Variants in ASIC2 observed in about 807,000 individuals in gnomAD.
ASIC2 encodes the protein acid sensing ion channel subunit 2, also known as acid-sensing ion channel 2.
A neutral mutation model predicts 57.3 loss-of-function variants in ASIC2; 25 were observed. That is an observed-to-expected ratio of 0.44 (90% CI 0.32 to 0.61). The LOEUF (loss-of-function observed/expected upper bound fraction) is 0.61. Ranked by LOEUF, ASIC2 falls within the 20% of genes least tolerant of loss-of-function variation. ASIC2 has a pLI of 0.06. For missense variants in ASIC2, 641 were observed against 738.1 expected (o/e 0.87, Z 1.52); for synonymous variants, 319 against 307.5 (o/e 1.04, Z -0.39).
chr17:33,868,767 A>C (rs543189820), intron 1 of ASIC2, among the ~76,000 whole-genome samples: 19 of 152,288 alleles, frequency 1.2e-4, no homozygotes, highest in Middle Eastern at 6.8e-3. Context: ...ATAAATAAAT[A>C]AAAATGTACA....
chr17:34,013,042 A>C (rs982713813), intron 1 of ASIC2, among the ~76,000 whole-genome samples: 1 of 152,214 alleles, frequency 6.6e-6, no homozygotes, highest in East Asian at 1.9e-4. Flanking sequence ...ATAGTTGATC[A>C]TGTGCCCTGG....
Position 33,436,850 on chromosome 17 carries a change from C to CTTTT in ASIC2, c.556-324784_556-324783insAAAA, listed in dbSNP as rs1244300127. On this transcript the variant is annotated intron_variant, in intron 1 of 9. Coordinates refer to the ASIC2 transcript ENST00000359872. ...TGCAATGCCTTAAAACACATTCCAA[C>CTTTT]TTCTTTTTTTTTTTTTTTTTTTTTT... is the stretch of plus-strand genomic sequence containing the variant. Among the ~76,000 whole-genome samples, 83 of 75,988 alleles carry CTTTT rather than the reference C, an allele frequency of 1.1e-3. 2 individuals are homozygous for CTTTT. Among genetic ancestry groups the CTTTT allele is most frequent in the East Asian group, 1.8e-3 (5 of 2,758 alleles). The allele number at this position is 75,988 out of a possible 152,430, so 49.9% of individuals were successfully genotyped here.
intron 1 of ASIC2, among the ~76,000 whole-genome samples, chr17:33,453,881 G>A (rs1200302838): frequency 2.0e-5 from 3 of 152,260 alleles, no homozygotes; most frequent in Non-Finnish European, 4.4e-5. Context: ...GCATCATACA[G>A]TGTATGCTTT....
chr17:33,609,355 C>T (rs550474395), intron 1 of ASIC2, among the ~76,000 whole-genome samples: 2 of 152,310 alleles, frequency 1.3e-5, no homozygotes, highest in Non-Finnish European at 2.9e-5. Flanking sequence ...CTAAACTCAT[C>T]GTGACTGCCC....
At chr17:33,703,570 C>T (rs929586432) in intron 1 of ASIC2, among the ~76,000 whole-genome samples, 1 of 152,130 alleles carries the variant, frequency 6.6e-6, no homozygotes, top group African/African-American at 2.4e-5. Flanking sequence ...CCAGGCTGCT[C>T]TCAAACTCCT....
intron 3 of ASIC2, among the ~76,000 whole-genome samples, chr17:33,049,763 T>C: frequency 6.6e-6 from 1 of 152,146 alleles, no homozygotes; most frequent in East Asian, 1.9e-4. Context: ...TTAAATGAGA[T>C]TAACATATAG....
At chr17:33,562,022 CTG>C (rs1217071044) in intron 1 of ASIC2, among the ~76,000 whole-genome samples, 1 of 152,182 alleles carries the variant, frequency 6.6e-6, no homozygotes, top group African/African-American at 2.4e-5. Flanking sequence ...CTCAGGATAG[CTG>C]TTCCAATCCG....
intron 1 of ASIC2, among the ~76,000 whole-genome samples, chr17:33,901,379 T>C (rs1238650483): frequency 6.6e-6 from 1 of 152,148 alleles, no homozygotes; most frequent in African/African-American, 2.4e-5. Context: ...ATCTAGACTG[T>C]CACCTGGTTC....
Position 33,291,319 on chromosome 17 carries a change from G to C in ASIC2, c.708+89C>G, listed in dbSNP as rs549261422. 6.8e-6 allele frequency: 10 copies of C among 1,478,700 alleles called. No individual in the cohort carries two copies. In the East Asian group the frequency reaches 2.4e-4, roughly 35 times the overall value. 91.6% of individuals were successfully genotyped at this position (1,478,700 alleles called of 1,614,324 possible). ...AGTGGTAACACTGCAAGAGGCCTGG[G>C]GACAGCCCCGAGGGGGCGGAACACC... On this transcript the variant is annotated intron_variant, in intron 1 of 9. Transcript: ENST00000225823.
chr17:33,717,567 G>A (rs533544352), intron 1 of ASIC2, among the ~76,000 whole-genome samples: 1 of 152,342 alleles, frequency 6.6e-6, no homozygotes, highest in East Asian at 1.9e-4. Context: ...CCAGGCTGGA[G>A]CTGGGGTTCT....
intron 1 of ASIC2, among the ~76,000 whole-genome samples, chr17:33,828,778 A>T (rs1174533180): frequency 6.6e-6 from 1 of 152,208 alleles, no homozygotes; most frequent in African/African-American, 2.4e-5. Flanking sequence ...GGTGAACACA[A>T]TGTAGATAAA....
At chr17:33,871,999 C>A (rs1200541678) in intron 1 of ASIC2, among the ~76,000 whole-genome samples, 1 of 152,072 alleles carries the variant, frequency 6.6e-6, no homozygotes, top group Non-Finnish European at 1.5e-5. Context: ...TTCTTGAGAT[C>A]CCTCTCTCCT....
intron 1 of ASIC2, among the ~76,000 whole-genome samples, chr17:33,368,956 C>T (rs1354034601): frequency 6.6e-6 from 1 of 152,160 alleles, no homozygotes; most frequent in Non-Finnish European, 1.5e-5. Flanking sequence ...GTGGCATTTA[C>T]TCAGATATAA....
At chr17:33,219,564 A>G (rs1176404969) in intron 1 of ASIC2, among the ~76,000 whole-genome samples, 1 of 152,192 alleles carries the variant, frequency 6.6e-6, no homozygotes, top group Non-Finnish European at 1.5e-5. Context: ...TGAGAAAACC[A>G]AAAATTGAAC....
At chr17:33,671,301 A>G (rs1034902289) in intron 1 of ASIC2, among the ~76,000 whole-genome samples, 2 of 152,102 alleles carry the variant, frequency 1.3e-5, no homozygotes, top group African/African-American at 4.8e-5. Context: ...CCAGCATAGC[A>G]TTTAAAATCC....
chr17:33,670,201 C>A (rs1907600729), intron 1 of ASIC2, among the ~76,000 whole-genome samples: 1 of 152,122 alleles, frequency 6.6e-6, no homozygotes, highest in Non-Finnish European at 1.5e-5. Context: ...GGGCACCCTG[C>A]AAATGTTCTG....
chr17:33,860,312 T>C (rs1914071546), intron 1 of ASIC2, among the ~76,000 whole-genome samples: 1 of 152,084 alleles, frequency 6.6e-6, no homozygotes, highest in Non-Finnish European at 1.5e-5. Flanking sequence ...GGGTATAAAG[T>C]CAAGCAAAAT....
chr17:34,108,815 A>T (rs905413613), intron 1 of ASIC2, among the ~76,000 whole-genome samples: 3 of 152,100 alleles, frequency 2.0e-5, no homozygotes, highest in Non-Finnish European at 4.4e-5. Context: ...TGTTAAGTGC[A>T]TATCCATTTA....
At chr17:33,812,511 G>T (rs1192726716) in intron 1 of ASIC2, among the ~76,000 whole-genome samples, 4 of 152,102 alleles carry the variant, frequency 2.6e-5, no homozygotes, top group Non-Finnish European at 5.9e-5. Flanking sequence ...CCAGGGTGGG[G>T]AGGATTACTC....
Sources: gnomAD v4.1 joint callset for allele counts (sites outside exome capture counted in the v4.1 genomes callset) on GRCh38, gnomAD v4.1.1 for gene constraint, MANE v1.5 for transcripts, NCBI Gene and HGNC (gene_info 2026-07-23, HGNC 2026-07-21) for gene names.